PRR16: variants seen among roughly 807,000 people sequenced by gnomAD.
PRR16 encodes proline rich 16, also known as protein Largen.
A neutral mutation model predicts 18.2 loss-of-function variants in PRR16; 6 were observed. That is an observed-to-expected ratio of 0.33 (90% CI 0.18 to 0.65). The LOEUF is 0.65. Ranked by LOEUF, PRR16 falls within the 30% of genes least tolerant of loss-of-function variation. The pLI is 0.74. For missense variants in PRR16, 412 were observed against 376.6 expected (o/e 1.09, Z -0.78); for synonymous variants, 151 against 147.8 (o/e 1.02, Z -0.16).
At chr5:120,653,459 A>G (rs1037788165) in intron 1 of PRR16, among the ~76,000 whole-genome samples, 3 of 152,026 alleles carry the variant, frequency 2.0e-5, no homozygotes, top group Admixed American at 1.3e-4. Flanking sequence ...TTATATTGGT[A>G]TATCTTTTTT....
intron 1 of PRR16, among the ~76,000 whole-genome samples, chr5:120,682,267 T>C (rs979070293): frequency 6.6e-6 from 1 of 152,192 alleles, no homozygotes; most frequent in African/African-American, 2.4e-5. Flanking sequence ...TACAGAATGC[T>C]TCACTAACCT....
In PRR16 at chr5:120,495,156, C is replaced by T. The variant is rs541247986; in HGVS notation, c.159+30511C>T. On this transcript the variant is annotated intron_variant, in intron 1 of 1. Transcript: ENST00000407149. The stretch of plus-strand genomic sequence containing the variant: ...TGGAGTTAGAGAAATTGTATACTTT[C>T]GAGCATAATTAAAAACTTTACAATG... Among the ~76,000 whole-genome samples the T allele has an allele frequency of 2.4e-4, 37 of 151,926 alleles. No individual in the cohort carries two copies. The South Asian group carries it at 6.0e-3, about 25-fold the overall frequency.
intron 1 of PRR16, among the ~76,000 whole-genome samples, chr5:120,569,025 T>A (rs1262685276): frequency 6.6e-6 from 1 of 152,066 alleles, no homozygotes; most frequent in Non-Finnish European, 1.5e-5. Flanking sequence ...AGGGTCACAT[T>A]AGATCAATAG....
At chr5:120,791,515 T>A in the PRR16 span, among the ~76,000 whole-genome samples, 1 of 150,616 alleles carries the variant, frequency 6.6e-6, no homozygotes. Flanking sequence ...ATAATTAGAT[T>A]AAAAAAAAAG....
At chr5:120,528,964 G>A (rs896241062) in intron 1 of PRR16, among the ~76,000 whole-genome samples, 8 of 152,080 alleles carry the variant, frequency 5.3e-5, no homozygotes, top group African/African-American at 2.4e-5. Flanking sequence ...GATTTACTTG[G>A]CTGGTATTTT....
At chr5:120,554,000 T>A (rs1419843693) in intron 1 of PRR16, among the ~76,000 whole-genome samples, 6 of 151,964 alleles carry the variant, frequency 3.9e-5, no homozygotes, top group Admixed American at 1.3e-4. Context: ...TAACATTTTT[T>A]AAAATTAGTT....
At chr5:120,473,552 G>T (rs556472033) in intron 1 of PRR16, among the ~76,000 whole-genome samples, 1 of 152,156 alleles carries the variant, frequency 6.6e-6, no homozygotes, top group Non-Finnish European at 1.5e-5. Context: ...TTTGTAGAAC[G>T]TTTAGAATGG....
chr5:120,723,871 A>G, the PRR16 span, among the ~76,000 whole-genome samples: 4 of 151,894 alleles, frequency 2.6e-5, no homozygotes, highest in Non-Finnish European at 4.4e-5. Flanking sequence ...ATTTGAGGCT[A>G]TTAATTTTAT....
At chr5:120,760,615 TTAATTACCTGAGACTTTACCTA>T in the PRR16 span, among the ~76,000 whole-genome samples, 1 of 149,804 alleles carries the variant, frequency 6.7e-6, no homozygotes, top group South Asian at 2.1e-4. Flanking sequence ...AGCATGTTGC[TTAATTACCTGAGACTTTACCTA>T]ATAAATACTT....
chr5:120,710,817 G>T, the PRR16 span: 1 of 152,180 alleles, frequency 6.6e-6, no homozygotes, highest in Non-Finnish European at 1.5e-5. Context: ...CTCAGTGGGT[G>T]TAATACTGCC....
chr5:120,549,020 A>G (rs1258219980), intron 1 of PRR16, among the ~76,000 whole-genome samples: 1 of 151,716 alleles, frequency 6.6e-6, no homozygotes, highest in Non-Finnish European at 1.5e-5. Context: ...TTCGTTTCCT[A>G]TTATAAAGCC....
At chr5:120,602,324 A>G (rs1157424942) in intron 1 of PRR16, among the ~76,000 whole-genome samples, 5 of 151,848 alleles carry the variant, frequency 3.3e-5, no homozygotes, top group African/African-American at 9.7e-5. Context: ...TTTCATGGCT[A>G]TTGTAAATGG....
chr5:120,680,609 A>T (rs756639559), intron 1 of PRR16, among the ~76,000 whole-genome samples: 2 of 152,158 alleles, frequency 1.3e-5, no homozygotes, highest in Non-Finnish European at 2.9e-5. Context: ...TATTCAATTT[A>T]TAAGATATTC....
intron 1 of PRR16, among the ~76,000 whole-genome samples, chr5:120,488,512 T>C (rs1338524737): frequency 6.6e-6 from 1 of 152,212 alleles, no homozygotes; most frequent in Non-Finnish European, 1.5e-5. Context: ...TATCATTTTT[T>C]ATTGTGTCTA....
the PRR16 span, among the ~76,000 whole-genome samples, chr5:120,742,137 T>C: frequency 6.6e-6 from 1 of 152,002 alleles, no homozygotes; most frequent in African/African-American, 2.4e-5. Flanking sequence ...ATATAATATT[T>C]CATTATTTTT....
At chr5:120,718,749 C>T in the PRR16 span, among the ~76,000 whole-genome samples, 15 of 152,186 alleles carry the variant, frequency 9.9e-5, no homozygotes, top group African/African-American at 3.4e-4. Flanking sequence ...GACTCTCCTA[C>T]CAATGAGTTA....
the PRR16 span, chr5:120,781,175 A>G: frequency 1.3e-5 from 2 of 152,148 alleles, no homozygotes; most frequent in African/African-American, 2.4e-5. Context: ...CTACATGGGC[A>G]TATCATAGAC....
At chr5:120,656,648 T>C (rs1301236970) in intron 1 of PRR16, among the ~76,000 whole-genome samples, 2 of 152,036 alleles carry the variant, frequency 1.3e-5, no homozygotes, top group African/African-American at 4.8e-5. Context: ...AAAGTAGCTT[T>C]TTACCAGTTT....
chr5:120,494,123 A>G (rs1416020061), intron 1 of PRR16, among the ~76,000 whole-genome samples: 1 of 152,150 alleles, frequency 6.6e-6, no homozygotes, highest in East Asian at 1.9e-4. Context: ...AGTTTTCCAG[A>G]GTGACTATAT....
Sources: allele counts gnomAD v4.1 joint callset (sites outside exome capture counted in the v4.1 genomes callset), GRCh38; gene constraint gnomAD v4.1.1; transcripts MANE v1.5; gene names NCBI Gene and HGNC (gene_info 2026-07-23, HGNC 2026-07-21).